CENPP: variants seen among roughly 807,000 people sequenced by gnomAD.
CENPP encodes centromere protein P.
Under a neutral mutation model 35.6 loss-of-function variants are expected in CENPP, and 24 were observed. That is an observed-to-expected ratio of 0.67 (90% CI 0.49 to 0.95). CENPP has a LOEUF of 0.95. Among genes scored for constraint, CENPP ranks in the 40% least tolerant of loss-of-function variants. The probability of loss-of-function intolerance (pLI) is 0.00; values close to 1 mark genes in which losing one functional copy is unlikely to be tolerated. For missense variants in CENPP, 332 were observed against 345.3 expected (o/e 0.96, Z 0.31); for synonymous variants, 120 against 125.5 (o/e 0.96, Z 0.29).
intron 5 of CENPP, among the ~76,000 whole-genome samples, chr9:92,492,883 T>C (rs1372079164): frequency 6.6e-6 from 1 of 152,094 alleles, no homozygotes; most frequent in East Asian, 1.9e-4. Flanking sequence ...TGCAAGGAGG[T>C]TGGTGAGCTT....
chr9:92,352,505 G>GTGTGTATATA, intron 4 of CENPP, among the ~76,000 whole-genome samples: 2 of 49,788 alleles, frequency 4.0e-5, no homozygotes, highest in African/African-American at 3.6e-4. Flanking sequence ...GTGTGTGTGT[G>GTGTGTATATA]TATACATATA....
chr9:92,609,650 C>T (rs1404567649), intron 5 of CENPP, among the ~76,000 whole-genome samples: 4 of 152,258 alleles, frequency 2.6e-5, no homozygotes, highest in Admixed American at 2.6e-4. Flanking sequence ...CTCGACATCT[C>T]AGGCGGAGCC....
At chr9:92,525,061 C>T (rs1035265266) in intron 5 of CENPP, among the ~76,000 whole-genome samples, 1 of 152,130 alleles carries the variant, frequency 6.6e-6, no homozygotes, top group Non-Finnish European at 1.5e-5. Context: ...CCTGTAATCC[C>T]AGCCCTATAG....
At position 92,615,809 on chromosome 9, in the gene CENPP, T is replaced by C. The variant is rs756263115; in HGVS notation, c.*2660T>C. On this transcript the variant is annotated 3_prime_UTR_variant, in exon 8 of 8. Transcript: ENST00000375587. The stretch of plus-strand genomic sequence containing the variant: ...TCAGCCTTCACATTATGTTCAAGTT[T>C]CAAAGACACTGCAGGGAAAGAGTTA... 2.9e-5 allele frequency: 45 copies of C among 1,545,976 alleles called. No individual in the cohort carries two copies. The highest frequency in any genetic ancestry group is 3.8e-5 in the Non-Finnish European group (42 of 1,118,478).
At chr9:92,365,135 G>T (rs1341064562) in intron 4 of CENPP, among the ~76,000 whole-genome samples, 1 of 151,942 alleles carries the variant, frequency 6.6e-6, no homozygotes. Flanking sequence ...TTCTAGTAGG[G>T]GAAACAGGCA....
intron 5 of CENPP, among the ~76,000 whole-genome samples, chr9:92,442,133 C>T (rs1212715940): frequency 6.6e-6 from 1 of 152,062 alleles, no homozygotes; most frequent in Non-Finnish European, 1.5e-5. Flanking sequence ...CACAGTGGCT[C>T]ACACCTGTAA....
At chr9:92,352,510 C>CATATATATATATATAT (rs67070835) in intron 4 of CENPP, among the ~76,000 whole-genome samples, 1,210 of 50,264 alleles carry the variant, frequency 0.024, 102 homozygotes, top group African/African-American at 0.044. Context: ...TGTGTGTATA[C>CATATATATATATATAT]ATATATATAT....
chr9:92,351,535 C>T (rs1362317194), intron 4 of CENPP, among the ~76,000 whole-genome samples: 1 of 152,018 alleles, frequency 6.6e-6, no homozygotes, highest in Admixed American at 6.6e-5. Flanking sequence ...CCACTTCCTC[C>T]CTCTCCTCAT....
At chr9:92,395,517 G>A (rs530210058) in intron 5 of CENPP, among the ~76,000 whole-genome samples, 119 of 152,236 alleles carry the variant, frequency 7.8e-4, no homozygotes, top group Non-Finnish European at 1.3e-3. Flanking sequence ...TTTCTCTTGG[G>A]TAAGTACCTA....
intron 4 of CENPP, among the ~76,000 whole-genome samples, chr9:92,362,819 A>G (rs1175813330): frequency 6.6e-6 from 1 of 152,226 alleles, no homozygotes; most frequent in Non-Finnish European, 1.5e-5. Flanking sequence ...TAAGAAATAG[A>G]TCACCATTCT....
At chr9:92,459,111 A>G (rs547988055) in intron 5 of CENPP, among the ~76,000 whole-genome samples, 1 of 152,338 alleles carries the variant, frequency 6.6e-6, no homozygotes, top group Admixed American at 6.5e-5. Context: ...ACAAACAACA[A>G]AATGGGAACT....
upstream of CENPP, chr9:92,325,882 C>T (rs1433685567): frequency 2.1e-5 from 16 of 777,236 alleles, no homozygotes; most frequent in Non-Finnish European, 3.3e-5. Context: ...GCCTCCCCTC[C>T]GCGTGAGCTC....
intron 5 of CENPP, among the ~76,000 whole-genome samples, chr9:92,568,354 C>T (rs1022695739): frequency 7.2e-5 from 11 of 152,174 alleles, no homozygotes; most frequent in African/African-American, 2.4e-4. Context: ...TCTGTTGTTG[C>T]GATAGTTTAC....
At chr9:92,386,905 A>C (rs1379534308) in intron 5 of CENPP, among the ~76,000 whole-genome samples, 1 of 151,606 alleles carries the variant, frequency 6.6e-6, no homozygotes, top group African/African-American at 2.4e-5. Context: ...AAAATTAGAC[A>C]GGCGTGGTGG....
intron 4 of CENPP, among the ~76,000 whole-genome samples, chr9:92,375,146 A>G (rs904032682): frequency 6.6e-6 from 1 of 151,606 alleles, no homozygotes; most frequent in Non-Finnish European, 1.5e-5. Flanking sequence ...CTTTTTTTTC[A>G]ACTTTCCTTC....
chr9:92,546,493 G>A (rs1487380514), intron 5 of CENPP, among the ~76,000 whole-genome samples: 1 of 152,170 alleles, frequency 6.6e-6, no homozygotes, highest in Non-Finnish European at 1.5e-5. Flanking sequence ...CCCACTGGGA[G>A]AAAAGAACAA....
At chr9:92,436,053 C>T (rs1460087280) in intron 5 of CENPP, among the ~76,000 whole-genome samples, 1 of 152,260 alleles carries the variant, frequency 6.6e-6, no homozygotes, top group Non-Finnish European at 1.5e-5. Flanking sequence ...AGTTTCTCGA[C>T]ATCCTCACTA....
At chr9:92,612,427 A>T in intron 6 of CENPP, 96 bp from the exon 7 acceptor site, 1 of 932,422 alleles carries the variant, frequency 1.1e-6, no homozygotes. Flanking sequence ...AGGGGAGCCC[A>T]GCATGGGGAA....
intron 5 of CENPP, among the ~76,000 whole-genome samples, chr9:92,407,003 T>C (rs947245275): frequency 3.3e-5 from 5 of 152,166 alleles, no homozygotes; most frequent in Non-Finnish European, 5.9e-5. Flanking sequence ...GATTATGGTT[T>C]ATATAGAAAA....
Sources: gnomAD v4.1 joint callset for allele counts (sites outside exome capture counted in the v4.1 genomes callset) on GRCh38, gnomAD v4.1.1 for gene constraint, MANE v1.5 for transcripts, NCBI Gene and HGNC (gene_info 2026-07-23, HGNC 2026-07-21) for gene names.